The following ARGLU1 variants were observed in gnomAD, a reference collection of about 807,000 sequenced individuals.
ARGLU1 encodes the protein arginine and glutamate rich 1, also known as arginine and glutamate-rich protein 1.
ARGLU1 carries 9 observed loss-of-function variants against 37.6 expected under a neutral mutation model. That is an observed-to-expected ratio of 0.24 (90% CI 0.14 to 0.42). The LOEUF (loss-of-function observed/expected upper bound fraction) is 0.42. Among genes scored for constraint, ARGLU1 ranks in the 10% least tolerant of loss-of-function variants. ARGLU1 has a pLI of 1.00. For missense variants in ARGLU1, 211 were observed against 359.2 expected, an observed-to-expected ratio of 0.59 and a Z score of 3.34; for synonymous variants, 166 against 138.5, an observed-to-expected ratio of 1.20 and a Z score of -1.39.
intron 3 of ARGLU1, among the ~76,000 whole-genome samples, chr13:106,547,543 T>A (rs1281913809): frequency 6.6e-6 from 1 of 151,824 alleles, no homozygotes; most frequent in Non-Finnish European, 1.5e-5. Context: ...TAAAAACAAG[T>A]AAGAGGAAAA....
intron 1 of ARGLU1, among the ~76,000 whole-genome samples, chr13:106,566,801 G>C (rs1880976244): frequency 6.6e-6 from 1 of 152,114 alleles, no homozygotes; most frequent in Non-Finnish European, 1.5e-5. Flanking sequence ...CACAGTGTAA[G>C]GGAAACAACA....
In ARGLU1 at chr13:106,557,872, T is replaced by C. The variant is rs1160855797; in HGVS notation, c.574-741A>G. ...TTCCATGGGGAAAATGGACTTAACATTCAGATGTTGACAATTTCGGAAGGC... is the reference window on the plus strand; with the variant it reads ...TTCCATGGGGAAAATGGACTTAACACTCAGATGTTGACAATTTCGGAAGGC... On this transcript the variant is annotated intron_variant, in intron 2 of 3. Transcript: ENST00000400198. This position sits in a 1 kb window ranked among gnomAD's most constrained non-coding sequence, Gnocchi z 5.0. 1.7e-5 allele frequency: 17 copies of C among 985,350 alleles called. No individual in the cohort carries two copies. The highest frequency in any genetic ancestry group is 2.0e-5 in the Non-Finnish European group (17 of 829,936). The allele number at this position is 985,350 out of a possible 1,614,324, so 61.0% of individuals were successfully genotyped here. A position where few individuals can be genotyped will look rare whatever the true frequency, so the allele number is the denominator to read the frequency against.
chr13:106,546,957 T>C (rs1880406026), intron 3 of ARGLU1, among the ~76,000 whole-genome samples: 2 of 152,190 alleles, frequency 1.3e-5, no homozygotes, highest in Non-Finnish European at 2.9e-5. Context: ...GTGGGGCATT[T>C]AAGCAGTGAT....
In ARGLU1 at chr13:106,555,686, A is replaced by G. The variant is rs78197321; in HGVS notation, c.657+1362T>C. Among the ~76,000 whole-genome samples, 324 of 152,344 alleles carry G rather than the reference A, an allele frequency of 2.1e-3. 1 individual carries two copies. The highest frequency in any genetic ancestry group is 0.014 in the Middle Eastern group (4 of 294). On this transcript the variant is annotated intron_variant, in intron 3 of 3. Coordinates refer to ENST00000400198, the MANE Select transcript of ARGLU1 (RefSeq NM_018011.4). ...TATTTTTTCCAGTGATCACACACCG[A>G]AAGTCATATTTTTTATTTTTCATGT...
At chr13:106,552,821 TA>T (rs1488341977) in intron 3 of ARGLU1, among the ~76,000 whole-genome samples, 1 of 152,230 alleles carries the variant, frequency 6.6e-6, no homozygotes, top group Non-Finnish European at 1.5e-5. Context: ...AGTCAAGTCA[TA>T]TTTGGATGCT....
At chr13:106,566,720 G>A (rs1880973342) in intron 1 of ARGLU1, among the ~76,000 whole-genome samples, 1 of 152,132 alleles carries the variant, frequency 6.6e-6, no homozygotes. Context: ...TCTAACTCTA[G>A]TTTTCACTAA....
chr13:106,546,008 A>T (rs1466532152), intron 3 of ARGLU1, among the ~76,000 whole-genome samples: 2 of 152,206 alleles, frequency 1.3e-5, no homozygotes, highest in Non-Finnish European at 2.9e-5. Context: ...CCTTAAAATA[A>T]ATCTGCCCTT....
intron 1 of ARGLU1, among the ~76,000 whole-genome samples, chr13:106,566,887 T>C (rs1393655688): frequency 6.6e-6 from 1 of 150,866 alleles, no homozygotes; most frequent in East Asian, 1.9e-4. Flanking sequence ...ATTACACAGG[T>C]GAATTCAAAG....
chr13:106,557,035 G>T lies in ARGLU1; in HGVS notation c.657+13C>A. On this transcript the variant is annotated intron_variant, in intron 3 of 3. Coordinates refer to ENST00000400198, the MANE Select transcript of ARGLU1 (RefSeq NM_018011.4). This position sits in a 1 kb window ranked among gnomAD's most constrained non-coding sequence, Gnocchi z 5.0. ...AAAATACAAAACACTTTTCATGTAT[G>T]CTTTACACTTACCAGTTTGGCTTGT... 1 of 1,605,742 alleles carries T rather than the reference G, an allele frequency of 6.2e-7. No homozygotes were observed. The highest frequency in any genetic ancestry group is 8.5e-7 in the Non-Finnish European group (1 of 1,172,592).
At chr13:106,563,125 C>A (rs1191119974) in intron 1 of ARGLU1, among the ~76,000 whole-genome samples, 1 of 150,920 alleles carries the variant, frequency 6.6e-6, no homozygotes, top group African/African-American at 2.4e-5. Flanking sequence ...TATTTTAAAA[C>A]ATCTTTAAAA....
intron 3 of ARGLU1, among the ~76,000 whole-genome samples, chr13:106,554,816 C>A (rs1377767933): frequency 6.6e-6 from 1 of 150,556 alleles, no homozygotes; most frequent in Non-Finnish European, 1.5e-5. Flanking sequence ...ATCTGGAAGG[C>A]GGAAGTTGCA....
At chr13:106,562,990 C>CA (rs745494550) in intron 1 of ARGLU1, among the ~76,000 whole-genome samples, 22,620 of 66,958 alleles carry the variant, frequency 0.34, 3,856 homozygotes, top group Non-Finnish European at 0.42. Flanking sequence ...GACCCTGTCT[C>CA]AAAAAAAAAA....
intron 1 of ARGLU1, among the ~76,000 whole-genome samples, chr13:106,565,204 C>T (rs919293891): frequency 6.6e-6 from 1 of 152,180 alleles, no homozygotes; most frequent in African/African-American, 2.4e-5. Flanking sequence ...ACATGATTCC[C>T]AGCCTCTATT....
At chr13:106,546,089 A>G (rs191944773) in intron 3 of ARGLU1, among the ~76,000 whole-genome samples, 107 of 152,100 alleles carry the variant, frequency 7.0e-4, no homozygotes, top group Non-Finnish European at 5.3e-4. Flanking sequence ...CAAGTTTGTT[A>G]CTTCTTGTTT....
chr13:106,559,249 T>G, intron 2 of ARGLU1, 183 bp downstream of exon 2: 1 of 1,531,834 alleles, frequency 6.5e-7, no homozygotes. Context: ...TTCCAACTTT[T>G]AAGTTATCAG....
intron 2 of ARGLU1, chr13:106,558,429 G>A: frequency 7.1e-6 from 7 of 985,364 alleles, no homozygotes; most frequent in Non-Finnish European, 8.4e-6. Context: ...AAATGACAAT[G>A]AGTCTTAATT....
chr13:106,552,775 T>C (rs564777985), intron 3 of ARGLU1, among the ~76,000 whole-genome samples: 16 of 152,214 alleles, frequency 1.1e-4, no homozygotes, highest in Non-Finnish European at 1.6e-4. Context: ...TCGCCAACAC[T>C]AACTCAAGAA....
rs187030869 is a variant in ARGLU1, at chr13:106,544,246, T to A, written c.658-86A>T. On this transcript the variant is annotated intron_variant, in intron 3 of 3. Transcript: ENST00000400198. ...TGCAACAGGTGTTATCTATTATGTA[T>A]CTACAAAAAAATTTTTAATGCAAAT... The A allele has an allele frequency of 2.4e-6, 3 of 1,233,442 alleles. No homozygotes were observed. The South Asian group carries it at 6.6e-5, about 27-fold the overall frequency. 76.4% of individuals were successfully genotyped at this position (1,233,442 alleles called of 1,614,324 possible).
intron 1 of ARGLU1, among the ~76,000 whole-genome samples, chr13:106,565,740 G>A (rs932303144): frequency 2.0e-5 from 3 of 152,136 alleles, no homozygotes; most frequent in African/African-American, 7.2e-5. Flanking sequence ...CGGCACCCAG[G>A]AATTTAGAGT....
Sources: allele counts gnomAD v4.1 joint callset (sites outside exome capture counted in the v4.1 genomes callset), GRCh38; gene constraint gnomAD v4.1.1; non-coding constraint Gnocchi (gnomAD v3.1); transcripts MANE v1.5; gene names NCBI Gene and HGNC (gene_info 2026-07-23, HGNC 2026-07-21).